The following VAT1L variants were observed in gnomAD, a reference collection of about 807,000 sequenced individuals.
VAT1L encodes putative NADPH-dependent quinone oxidoreductase VAT1L.
Under a neutral mutation model 44.1 loss-of-function variants are expected in VAT1L, and 34 were observed. The ratio of observed to expected loss-of-function variants is 0.77; its 90% CI spans 0.59 to 1.03. The LOEUF (loss-of-function observed/expected upper bound fraction) is 1.03. Ranked by LOEUF, VAT1L falls within the 50% of genes least tolerant of loss-of-function variation. The pLI is 0.00. For missense variants in VAT1L, 615 were observed against 538.8 expected, an observed-to-expected ratio of 1.14 and a Z score of -1.40; for synonymous variants, 253 against 202.2, an observed-to-expected ratio of 1.25 and a Z score of -2.13.
intron 7 of VAT1L, among the ~76,000 whole-genome samples, chr16:77,959,193 A>C (rs1480450240): frequency 2.0e-5 from 3 of 152,102 alleles, no homozygotes; most frequent in Non-Finnish European, 4.4e-5. Flanking sequence ...TCTAAAAAGG[A>C]GCTGAGTGTT....
intron 7 of VAT1L, among the ~76,000 whole-genome samples, chr16:77,966,980 G>C (rs187745795): frequency 6.8e-6 from 1 of 147,850 alleles, no homozygotes; most frequent in East Asian, 2.0e-4. Flanking sequence ...TGGTCCCAAC[G>C]GAGAAGACAA....
intron 1 of VAT1L, among the ~76,000 whole-genome samples, chr16:77,813,996 C>T (rs1363223752): frequency 6.6e-6 from 1 of 152,154 alleles, no homozygotes. Flanking sequence ...AGGTTCTAGG[C>T]TTTGCATGAA....
intron 7 of VAT1L, among the ~76,000 whole-genome samples, chr16:77,940,201 C>A (rs997357706): frequency 2.0e-5 from 3 of 152,124 alleles, no homozygotes; most frequent in African/African-American, 7.2e-5. Context: ...ACAGCATTTG[C>A]CAACTTCCAT....
chr16:77,944,164 A>T (rs370063), intron 7 of VAT1L, among the ~76,000 whole-genome samples: 147,257 of 152,164 alleles, frequency 0.97, 71,462 homozygotes, highest in East Asian at 1. Flanking sequence ...AAACATCTCA[A>T]GATACACAGG....
At chr16:77,834,731 G>A (rs1366052412) in intron 3 of VAT1L, among the ~76,000 whole-genome samples, 1 of 152,032 alleles carries the variant, frequency 6.6e-6, no homozygotes, top group Admixed American at 6.6e-5. Flanking sequence ...CCAGGCCCTT[G>A]ACATCACCTA....
intron 7 of VAT1L, among the ~76,000 whole-genome samples, chr16:77,943,639 T>A (rs1393309836): frequency 6.6e-6 from 1 of 151,324 alleles, no homozygotes; most frequent in Non-Finnish European, 1.5e-5. Context: ...CCTGACCTCA[T>A]GATCCGCCTG....
chr16:77,939,851 A>C (rs1294611409), intron 7 of VAT1L, among the ~76,000 whole-genome samples: 2 of 152,246 alleles, frequency 1.3e-5, no homozygotes, highest in Non-Finnish European at 2.9e-5. Flanking sequence ...TAGCAGGGCT[A>C]GCACTAAAAT....
chr16:77,895,314 G>A (rs934159798), intron 7 of VAT1L, among the ~76,000 whole-genome samples: 1 of 149,472 alleles, frequency 6.7e-6, no homozygotes, highest in Non-Finnish European at 1.5e-5. Context: ...GCTGAAGAAT[G>A]GCCCCCTAAA....
At chr16:77,882,793 G>A (rs1156339927) in intron 6 of VAT1L, among the ~76,000 whole-genome samples, 1 of 152,162 alleles carries the variant, frequency 6.6e-6, no homozygotes, top group East Asian at 1.9e-4. Context: ...TGTTTTAAAT[G>A]AGGGTCCTAA....
intron 7 of VAT1L, among the ~76,000 whole-genome samples, chr16:77,902,917 G>T (rs1186022925): frequency 6.7e-6 from 1 of 148,170 alleles, no homozygotes; most frequent in Admixed American, 6.8e-5. Flanking sequence ...AGATTTCAGT[G>T]AGCTGAGATG....
intron 4 of VAT1L, among the ~76,000 whole-genome samples, chr16:77,871,321 A>T (rs1230644672): frequency 6.6e-6 from 1 of 151,922 alleles, no homozygotes; most frequent in Non-Finnish European, 1.5e-5. Context: ...CCAGCCATGC[A>T]TGTGATCCAA....
At chr16:77,924,030 C>T (rs371981086) in intron 7 of VAT1L, among the ~76,000 whole-genome samples, 1 of 152,018 alleles carries the variant, frequency 6.6e-6, no homozygotes, top group Non-Finnish European at 1.5e-5. Context: ...GTTGCATCCC[C>T]ACTGGTTCTT....
intron 7 of VAT1L, among the ~76,000 whole-genome samples, chr16:77,935,229 C>G (rs900920953): frequency 6.6e-6 from 1 of 152,142 alleles, no homozygotes; most frequent in African/African-American, 2.4e-5. Flanking sequence ...TAGGAGATGT[C>G]TCTTCACTCA....
intron 8 of VAT1L, among the ~76,000 whole-genome samples, chr16:77,975,160 C>T (rs903872601): frequency 1.5e-5 from 2 of 136,472 alleles, no homozygotes; most frequent in African/African-American, 5.4e-5. Flanking sequence ...GACAGAGGCG[C>T]CTGCAGAGGT....
chr16:77,948,358 A>G (rs1168008507), intron 7 of VAT1L, among the ~76,000 whole-genome samples: 1 of 152,154 alleles, frequency 6.6e-6, no homozygotes, highest in Non-Finnish European at 1.5e-5. Flanking sequence ...CAACACATTG[A>G]ACTTCTCTAA....
chr16:77,909,508 G>A (rs563225379), intron 7 of VAT1L, among the ~76,000 whole-genome samples: 32 of 151,906 alleles, frequency 2.1e-4, no homozygotes, highest in Admixed American at 9.8e-4. Flanking sequence ...GTGGTGGTGT[G>A]TGCCTCTAAT....
chr16:77,890,341 T>C (rs571506454), intron 7 of VAT1L, among the ~76,000 whole-genome samples: 25 of 152,150 alleles, frequency 1.6e-4, no homozygotes, highest in African/African-American at 4.8e-4. Flanking sequence ...TAAGATTTGT[T>C]TGGTCAATGG....
At chr16:77,919,556 T>G (rs945676694) in intron 7 of VAT1L, among the ~76,000 whole-genome samples, 1 of 152,218 alleles carries the variant, frequency 6.6e-6, no homozygotes, top group Admixed American at 6.5e-5. Context: ...GAGTCTGAAC[T>G]GCCTTCTCAG....
At chr16:77,975,859 A>G (rs2018334756) in intron 8 of VAT1L, among the ~76,000 whole-genome samples, 1 of 152,192 alleles carries the variant, frequency 6.6e-6, no homozygotes, top group African/African-American at 2.4e-5. Context: ...TGCCCCAGAG[A>G]ATAGAGGTGG....
Sources: allele counts gnomAD v4.1 joint callset (sites outside exome capture counted in the v4.1 genomes callset), GRCh38; gene constraint gnomAD v4.1.1; transcripts MANE v1.5; gene names NCBI Gene and HGNC (gene_info 2026-07-23, HGNC 2026-07-21).